The following CPNE1 variants were observed in gnomAD, a reference collection of about 807,000 sequenced individuals.
The protein encoded by CPNE1 is copine-1.
CPNE1 carries 58 observed loss-of-function variants against 63.2 expected under a neutral mutation model. That is an observed-to-expected ratio of 0.92 (90% CI 0.74 to 1.14). The LOEUF (loss-of-function observed/expected upper bound fraction) is 1.14, where lower values mean the gene tolerates loss of function less well. CPNE1 is among the 50% of genes most tolerant of loss of function. The probability of loss-of-function intolerance (pLI) is 0.00; values close to 1 mark genes in which losing one functional copy is unlikely to be tolerated. For missense variants in CPNE1, 672 were observed against 661.7 expected (o/e 1.02, Z -0.17); for synonymous variants, 237 against 249.0 (o/e 0.95, Z 0.45).
chr20:35,658,833 ACACAC>A (rs2034063989), intron 1 of CPNE1: 4 of 645,228 alleles, frequency 6.2e-6, no homozygotes, highest in Non-Finnish European at 1.1e-5. Context: ...ACACACACAC[ACACAC>A]AATATAGTTG....
At chr20:35,629,082 A>G (rs1405360859) in intron 13 of CPNE1, among the ~76,000 whole-genome samples, 1 of 152,250 alleles carries the variant, frequency 6.6e-6, no homozygotes, top group East Asian at 1.9e-4. Flanking sequence ...GTGTACACAC[A>G]CACACACATA....
At chr20:35,630,052 G>C (rs1316814854) in intron 13 of CPNE1, among the ~76,000 whole-genome samples, 1 of 152,060 alleles carries the variant, frequency 6.6e-6, no homozygotes, top group Non-Finnish European at 1.5e-5. Flanking sequence ...CCAGCACTTT[G>C]GGAGGCCAAG....
At chr20:35,647,393 T>C (rs1601452815) in intron 1 of CPNE1, 1 of 151,940 alleles carries the variant, frequency 6.6e-6, no homozygotes, top group African/African-American at 2.4e-5. Flanking sequence ...ATCTTCTCTG[T>C]TTAATTCGTT....
intron 1 of CPNE1, among the ~76,000 whole-genome samples, chr20:35,657,987 G>A (rs895225281): frequency 2.0e-5 from 3 of 151,886 alleles, no homozygotes; most frequent in Non-Finnish European, 2.9e-5. Context: ...ACTTGAACCC[G>A]GGAGGCAGAG....
chr20:35,632,740 C>A (rs1468660506), intron 2 of CPNE1, 44 bp from the exon 3 acceptor site: 1 of 877,412 alleles, frequency 1.1e-6, no homozygotes, highest in Middle Eastern at 2.2e-4. Context: ...AGCCTCCACC[C>A]CAAAACACAA....
chr20:35,651,370 C>T (rs2033503269), intron 1 of CPNE1: 1 of 152,182 alleles, frequency 6.6e-6, no homozygotes, highest in African/African-American at 2.4e-5. Context: ...TGCACTTGTA[C>T]TCTGTATGAA....
In CPNE1 at chr20:35,631,271, A is replaced by G. The variant is rs781287997; in HGVS notation, c.798T>C (p.Cys266=). ...GTTACATGGGCTTTTGTCTCACCCG[A>G]CAAATCTTGACACGGATAGTTCCAG... ...KNSGTIRVKI[C]RVETEYSFLD... The change falls in exon 9 of 16, where the codon TGT becomes TGC. Residue 266 remains cysteine (C), a synonymous_variant. Transcript: ENST00000397443. 4.3e-6 allele frequency: 7 copies of G among 1,614,056 alleles called. No individual in the cohort carries two copies. In the Admixed American group the frequency reaches 1.2e-4, roughly 27 times the overall value.
intron 1 of CPNE1, chr20:35,652,370 T>G (rs1010631135): frequency 1.2e-6 from 1 of 829,434 alleles, no homozygotes; most frequent in African/African-American, 1.7e-5. Context: ...GTGAGTCTTC[T>G]GTAAACAGTC....
intron 1 of CPNE1, among the ~76,000 whole-genome samples, chr20:35,644,347 T>C (rs565080958): frequency 5.3e-5 from 8 of 152,264 alleles, no homozygotes; most frequent in African/African-American, 1.9e-4. Context: ...AGATGAAGAC[T>C]CTTCCCCTTT....
At chr20:35,644,220 G>C (rs1216751329) in intron 1 of CPNE1, among the ~76,000 whole-genome samples, 1 of 152,164 alleles carries the variant, frequency 6.6e-6, no homozygotes. Flanking sequence ...TCCTTCTGCA[G>C]TATCATTAAC....
At chr20:35,655,775 A>G (rs1418052189) in intron 1 of CPNE1, among the ~76,000 whole-genome samples, 3 of 152,244 alleles carry the variant, frequency 2.0e-5, no homozygotes, top group Non-Finnish European at 2.9e-5. Flanking sequence ...TCTTCCCTAT[A>G]TACTTGATAA....
rs907269561 is a variant in CPNE1 at position 35,631,984 on chromosome 20, G to T, written c.498C>A (p.Arg166=). ...GKSDPFLEFF[R]QGDGKWHLVY... ...CCAGGTGCCATTTCCCATCACCCTG[G>T]CGGAAGAACTCCAGAAATGGATCTG... The change falls in exon 6 of 16, where the codon CGC becomes CGA. Residue 166 remains arginine (R), a synonymous_variant. Coordinates refer to ENST00000397443, the MANE Select transcript of CPNE1 (RefSeq NM_152925.3). The T allele has an allele frequency of 1.2e-6, 2 of 1,614,058 alleles. No homozygotes were observed. The highest frequency in any genetic ancestry group is 3.3e-5 in the Admixed American group (2 of 60,014).
chr20:35,649,004 T>C (rs1261535305), intron 1 of CPNE1: 1 of 152,674 alleles, frequency 6.5e-6, no homozygotes, highest in Non-Finnish European at 1.5e-5. Context: ...TTCATCTTTA[T>C]AAACAAAAAC....
chr20:35,627,370 T>C lies in CPNE1; in HGVS notation c.1146A>G (p.Gln382=), dbSNP rs199904497. Residue 382 remains glutamine (Q), a synonymous_variant, in exon 14 of 16, where the codon CAA becomes CAG. Coordinates refer to ENST00000397443, the MANE Select transcript of CPNE1 (RefSeq NM_152925.3). ...AGTTGGTAGGGCCATAGAGGCGAAC[T>C]TGGGGCAGGGCTTGGCGGTAGGCAT... ...IVDAYRQALP[Q]VRLYGPTNFA... The C allele has an allele frequency of 1.9e-6, 3 of 1,614,060 alleles. No individual in the cohort carries two copies. The highest frequency in any genetic ancestry group is 2.5e-6 in the Non-Finnish European group (3 of 1,180,012).
chr20:35,647,932 G>A (rs1045007261), intron 1 of CPNE1, among the ~76,000 whole-genome samples: 10 of 151,606 alleles, frequency 6.6e-5, no homozygotes, highest in South Asian at 2.1e-4. Flanking sequence ...TGGGCTTGGC[G>A]GCACGCACCT....
intron 1 of CPNE1, among the ~76,000 whole-genome samples, chr20:35,663,158 T>C (rs1304185303): frequency 6.6e-6 from 1 of 152,220 alleles, no homozygotes; most frequent in Non-Finnish European, 1.5e-5. Flanking sequence ...TCTTTGAAAA[T>C]GTCTGCACAC....
chr20:35,631,391 A>G (rs1451238883), intron 8 of CPNE1, 37 bp from the exon 9 acceptor site: 3 of 1,608,744 alleles, frequency 1.9e-6, no homozygotes, highest in Non-Finnish European at 2.6e-6. Flanking sequence ...GGAAATTCTC[A>G]GAGCATCAGT....
intron 1 of CPNE1, among the ~76,000 whole-genome samples, chr20:35,637,780 T>A (rs1476156382): frequency 6.6e-6 from 1 of 152,170 alleles, no homozygotes; most frequent in Non-Finnish European, 1.5e-5. Flanking sequence ...CTTACCATGG[T>A]CTTCAAGGCC....
chr20:35,626,794 T>G lies in CPNE1; in HGVS notation c.1246A>C (p.Met416Leu). Residue 416 changes from methionine (M) to leucine (L), a missense_variant, in exon 15 of 16, where the codon ATG becomes CTG. By Grantham distance (15) the Met-to-Leu change is conservative. Coordinates refer to ENST00000397443, the MANE Select transcript of CPNE1 (RefSeq NM_152925.3). ...AHQGTASQYF[M>L]LLLLTDGAVT... ...GCACCATCAGTCAGCAGCAACAGCA[T>G]GAAGTATTGCTGGGGACAAGCCCAT... 1.2e-6 allele frequency: 2 copies of G among 1,613,520 alleles called. No individual in the cohort carries two copies. The highest frequency in any genetic ancestry group is 2.2e-5 in the South Asian group (2 of 91,080).
Sources: gnomAD v4.1 joint callset for allele counts (sites outside exome capture counted in the v4.1 genomes callset) on GRCh38, gnomAD v4.1.1 for gene constraint, MANE v1.5 for transcripts, NCBI Gene and HGNC (gene_info 2026-07-23, HGNC 2026-07-21) for gene names.